PLEKHM3: variants seen among roughly 807,000 people sequenced by gnomAD.
PLEKHM3 encodes pleckstrin homology domain containing M3.
In PLEKHM3, 45 loss-of-function variants were observed where a neutral mutation model predicts 81.8. The ratio of observed to expected loss-of-function variants is 0.55; its 90% CI spans 0.43 to 0.71. PLEKHM3 has a LOEUF of 0.71. Ranked by LOEUF, PLEKHM3 falls within the 30% of genes least tolerant of loss-of-function variation. The pLI is 0.00. For missense variants in PLEKHM3, 788 were observed against 924.3 expected (o/e 0.85, Z 1.91); for synonymous variants, 352 against 356.4 (o/e 0.99, Z 0.14).
chr2:208,004,691 C>T (rs1202399074), intron 1 of PLEKHM3, among the ~76,000 whole-genome samples: 1 of 152,172 alleles, frequency 6.6e-6, no homozygotes, highest in African/African-American at 2.4e-5. Context: ...GGACAACTCT[C>T]TCCTTAGGTA....
intron 2 of PLEKHM3, among the ~76,000 whole-genome samples, chr2:207,994,553 G>C (rs1300745494): frequency 6.6e-6 from 1 of 151,768 alleles, no homozygotes; most frequent in African/African-American, 2.4e-5. Context: ...TCTGGTAGTA[G>C]GATCAGGGCC....
intron 3 of PLEKHM3, among the ~76,000 whole-genome samples, chr2:207,947,925 A>C (rs1219962929): frequency 6.6e-6 from 1 of 152,230 alleles, no homozygotes; most frequent in African/African-American, 2.4e-5. Flanking sequence ...TCAGTAATTA[A>C]GCAGTTTCCC....
At chr2:207,879,088 G>A (rs973876565) in intron 6 of PLEKHM3, among the ~76,000 whole-genome samples, 2 of 152,106 alleles carry the variant, frequency 1.3e-5, no homozygotes, top group African/African-American at 4.8e-5. Context: ...AGTTCTGGGT[G>A]CTTTCTGTAT....
intron 7 of PLEKHM3, chr2:207,851,740 C>CAAAAAAAAAA (rs10605219): frequency 1.3e-3 from 81 of 64,304 alleles, no homozygotes; most frequent in African/African-American, 4.5e-3. Context: ...AACTCCATCT[C>CAAAAAAAAAA]AAAAAAAAAA....
intron 2 of PLEKHM3, among the ~76,000 whole-genome samples, chr2:208,000,720 A>G (rs749683688): frequency 2.0e-5 from 3 of 152,236 alleles, no homozygotes; most frequent in Admixed American, 1.3e-4. Context: ...TACATTAAGT[A>G]TGAGAGTATT....
intron 3 of PLEKHM3, among the ~76,000 whole-genome samples, chr2:207,951,460 T>C (rs1690325138): frequency 6.6e-6 from 1 of 152,232 alleles, no homozygotes; most frequent in Non-Finnish European, 1.5e-5. Flanking sequence ...CAGACTCTTT[T>C]TGAAACTTTT....
intron 3 of PLEKHM3, among the ~76,000 whole-genome samples, chr2:207,955,251 TA>T (rs1245259821): frequency 6.6e-6 from 1 of 152,182 alleles, no homozygotes; most frequent in African/African-American, 2.4e-5. Context: ...ATATTAATAA[TA>T]AAATCTTACA....
At chr2:207,903,190 AT>A (rs1401295285) in intron 6 of PLEKHM3, among the ~76,000 whole-genome samples, 7 of 152,196 alleles carry the variant, frequency 4.6e-5, no homozygotes, top group Non-Finnish European at 8.8e-5. Context: ...CAAAATAATA[AT>A]TTATTTTTCT....
At chr2:208,024,002 G>A (rs1693217845) in intron 1 of PLEKHM3, among the ~76,000 whole-genome samples, 1 of 151,968 alleles carries the variant, frequency 6.6e-6, no homozygotes, top group Non-Finnish European at 1.5e-5. Context: ...AATTAGCCAG[G>A]CGTGGTGGCT....
intron 7 of PLEKHM3, among the ~76,000 whole-genome samples, chr2:207,835,237 C>G (rs1330403695): frequency 4.6e-5 from 7 of 152,128 alleles, no homozygotes; most frequent in Admixed American, 4.6e-4. Context: ...GCCACCGTAC[C>G]CTGCCGGTTT....
At chr2:207,836,537 G>A (rs919367045) in intron 7 of PLEKHM3, among the ~76,000 whole-genome samples, 11 of 152,190 alleles carry the variant, frequency 7.2e-5, no homozygotes, top group Non-Finnish European at 2.9e-5. Context: ...AACTAAGTAT[G>A]TGCAGGGGGA....
At chr2:207,848,610 C>A (rs972396367) in intron 7 of PLEKHM3, among the ~76,000 whole-genome samples, 1 of 152,152 alleles carries the variant, frequency 6.6e-6, no homozygotes, top group Non-Finnish European at 1.5e-5. Flanking sequence ...TTTAAACAAG[C>A]CTTTATATGG....
At chr2:207,992,012 T>G (rs145295057) in intron 2 of PLEKHM3, among the ~76,000 whole-genome samples, 369 of 152,374 alleles carry the variant, frequency 2.4e-3, no homozygotes, top group Admixed American at 5.2e-3. Flanking sequence ...TCTGACTGAC[T>G]GAACACATTT....
chr2:207,947,879 A>G (rs1690188245), intron 3 of PLEKHM3, among the ~76,000 whole-genome samples: 1 of 152,240 alleles, frequency 6.6e-6, no homozygotes, highest in African/African-American at 2.4e-5. Context: ...CACAAGACTC[A>G]ACAGAACTTT....
chr2:207,969,667 G>C (rs1691043659), intron 3 of PLEKHM3, among the ~76,000 whole-genome samples: 1 of 152,130 alleles, frequency 6.6e-6, no homozygotes, highest in Non-Finnish European at 1.5e-5. Context: ...ATATAACTAG[G>C]AGCTATTAAT....
chr2:207,881,661 G>A (rs1164533378), intron 6 of PLEKHM3, among the ~76,000 whole-genome samples: 1 of 152,222 alleles, frequency 6.6e-6, no homozygotes, highest in Non-Finnish European at 1.5e-5. Context: ...GGGCCAAGAA[G>A]GCCCTTTGAA....
chr2:207,975,648 T>TGG (rs1574460310), intron 3 of PLEKHM3, among the ~76,000 whole-genome samples: 1 of 129,934 alleles, frequency 7.7e-6, no homozygotes, highest in African/African-American at 3.0e-5. Context: ...TGGAGTACAG[T>TGG]GGTGCAGTCT....
At chr2:207,866,268 G>T (rs978713609) in intron 6 of PLEKHM3, among the ~76,000 whole-genome samples, 1 of 152,070 alleles carries the variant, frequency 6.6e-6, no homozygotes, top group Non-Finnish European at 1.5e-5. Context: ...CGATTCTCCT[G>T]CCTCAGCCTC....
intron 1 of PLEKHM3, among the ~76,000 whole-genome samples, chr2:208,014,710 T>C (rs1453624605): frequency 6.6e-6 from 1 of 152,200 alleles, no homozygotes; most frequent in African/African-American, 2.4e-5. Flanking sequence ...ATTAAAACAG[T>C]TTCTGAATTT....
Sources: gnomAD v4.1 joint callset for allele counts (sites outside exome capture counted in the v4.1 genomes callset) on GRCh38, gnomAD v4.1.1 for gene constraint, MANE v1.5 for transcripts, NCBI Gene and HGNC (gene_info 2026-07-23, HGNC 2026-07-21) for gene names.